TSHR: variants seen among roughly 807,000 people sequenced by gnomAD.
TSHR encodes the protein thyrotropin receptor.
A neutral mutation model predicts 64.1 loss-of-function variants in TSHR; 51 were observed. The ratio of observed to expected loss-of-function variants is 0.80; its 90% CI spans 0.64 to 1.01. The LOEUF is 1.01. Among genes scored for constraint, TSHR ranks in the 50% least tolerant of loss-of-function variants. The probability of loss-of-function intolerance (pLI) is 0.00; values close to 1 mark genes in which losing one functional copy is unlikely to be tolerated. For missense variants in TSHR, 877 were observed against 942.8 expected, an observed-to-expected ratio of 0.93 and a Z score of 0.91; for synonymous variants, 361 against 361.9, an observed-to-expected ratio of 1.00 and a Z score of 0.03.
chr14:80,983,684 C>T, intron 1 of TSHR: 2 of 604,954 alleles, frequency 3.3e-6, no homozygotes, highest in East Asian at 2.8e-5. Flanking sequence ...CAAACTCTAG[C>T]AGGCTGTACA....
intron 1 of TSHR, among the ~76,000 whole-genome samples, chr14:81,056,186 T>C (rs1361095871): frequency 6.6e-6 from 1 of 152,170 alleles, no homozygotes; most frequent in Non-Finnish European, 1.5e-5. Flanking sequence ...ATGTAAGACA[T>C]GACTTGCTCC....
intron 7 of TSHR, chr14:81,104,968 A>G (rs1889803289): frequency 4.1e-6 from 4 of 985,416 alleles, no homozygotes; most frequent in African/African-American, 1.7e-5. Context: ...CCTTTCCAGC[A>G]TAGATATTTA....
chr14:81,032,566 C>T, intron 1 of TSHR: 2 of 437,566 alleles, frequency 4.6e-6, no homozygotes, highest in Non-Finnish European at 9.1e-6. Context: ...GTTCTCCTTG[C>T]TTGTGGCTCC....
At chr14:81,076,944 T>A (rs1022201001) in intron 3 of TSHR, among the ~76,000 whole-genome samples, 1 of 152,226 alleles carries the variant, frequency 6.6e-6, no homozygotes, top group Non-Finnish European at 1.5e-5. Context: ...TGCACACCTG[T>A]GTTCTTTGGT....
intron 1 of TSHR, among the ~76,000 whole-genome samples, chr14:81,009,461 C>T (rs1889794458): frequency 6.6e-6 from 1 of 152,126 alleles, no homozygotes; most frequent in Non-Finnish European, 1.5e-5. Context: ...AAAAATAAAA[C>T]ATCATACTGG....
intron 1 of TSHR, among the ~76,000 whole-genome samples, chr14:81,037,419 C>CAAAAAAAAAAAAAAAAAAAAAAAA (rs748986847): frequency 2.0e-5 from 2 of 99,148 alleles, no homozygotes; most frequent in African/African-American, 3.8e-5. Context: ...AAAGGAAATA[C>CAAAAAAAAAAAAAAAAAAAAAAAA]AAAACAAACA....
intron 3 of TSHR, among the ~76,000 whole-genome samples, chr14:81,074,541 A>G (rs1277854362): frequency 5.9e-5 from 9 of 152,324 alleles, no homozygotes; most frequent in Admixed American, 1.3e-4. Flanking sequence ...TATATACCAT[A>G]TAAGTACCAT....
intron 8 of TSHR, among the ~76,000 whole-genome samples, chr14:81,125,992 C>G (rs1891006584): frequency 6.6e-6 from 1 of 151,914 alleles, no homozygotes; most frequent in African/African-American, 2.4e-5. Flanking sequence ...TTGACAAGAA[C>G]AGGGAATGGT....
chr14:81,012,784 G>T (rs1275033290), intron 1 of TSHR: 1 of 151,016 alleles, frequency 6.6e-6, no homozygotes, highest in South Asian at 2.1e-4. Context: ...TTTTTGATGG[G>T]GTTGTTTGTT....
chr14:80,959,014 T>G (rs1886869514), intron 1 of TSHR, among the ~76,000 whole-genome samples: 1 of 152,242 alleles, frequency 6.6e-6, no homozygotes, highest in South Asian at 2.1e-4. Context: ...CTAAACTTTA[T>G]CTTCTACTCA....
At chr14:80,975,009 A>G (rs179259) in intron 1 of TSHR, among the ~76,000 whole-genome samples, 119,269 of 152,116 alleles carry the variant, frequency 0.78, 49,401 homozygotes, top group East Asian at 0.99. Flanking sequence ...AATCTTAGCA[A>G]GGCACATAAT....
chr14:80,983,206 A>C (rs1888260278), intron 1 of TSHR: 3 of 1,224,388 alleles, frequency 2.5e-6, no homozygotes, highest in South Asian at 1.8e-5. Flanking sequence ...ATTGAATTAC[A>C]TGTTAAGCAT....
At chr14:81,100,807 C>G (rs973204811) in intron 7 of TSHR, among the ~76,000 whole-genome samples, 2 of 152,208 alleles carry the variant, frequency 1.3e-5, no homozygotes, top group African/African-American at 4.8e-5. Flanking sequence ...ACACCCTCCC[C>G]TCAGCTCCAC....
At position 81,130,984 on chromosome 14, in the gene TSHR, C is replaced by A. The variant is rs1205380528; in HGVS notation, c.693-8695C>A. The stretch of plus-strand genomic sequence containing the variant: ...CCGCAGTCCGGCCTGGGCGACAGAG[C>A]GAGACTCCGTCTCCAAAAAAAAAAA... On this transcript the variant is annotated intron_variant, in intron 8 of 9. Transcript: ENST00000298171. 2.7e-5 allele frequency among the ~76,000 whole-genome samples: 2 copies of A among 74,854 alleles called. 1 individual carries two copies. Among genetic ancestry groups the A allele is most frequent in the Non-Finnish European group, 4.1e-5 (2 of 48,512 alleles). The allele number at this position is 74,854 out of a possible 152,430, so 49.1% of individuals were successfully genotyped here.
intron 8 of TSHR, among the ~76,000 whole-genome samples, chr14:81,129,100 G>A (rs537090162): frequency 7.9e-5 from 12 of 151,910 alleles, no homozygotes; most frequent in African/African-American, 2.2e-4. Context: ...CTTGACCTCC[G>A]AGCTCCACTC....
At position 81,092,562 on chromosome 14, in the gene TSHR, A is replaced by G. The variant is rs1395844480; in HGVS notation, c.499A>G (p.Ile167Val). The change falls in exon 6 of 10, where the codon ATC becomes GTC. Residue 167 changes from isoleucine to valine, a missense_variant. Physicochemically the swap from Ile to Val is conservative, Grantham distance 29. Transcript: ENST00000298171. The part of the protein sequence containing the change: ...EITDNPYMTS[I>V]PVNAFQGLCN... ...TACAGACAACCCTTACATGACGTCA[A>G]TCCCTGTGAATGCTTTTCAGGGACT... 5.0e-6 allele frequency: 8 copies of G among 1,614,116 alleles called. No individual in the cohort carries two copies. Among genetic ancestry groups the G allele is most frequent in the Non-Finnish European group, 6.8e-6 (8 of 1,180,004 alleles).
At chr14:81,142,287 G>A (rs1891723295) in intron 9 of TSHR, among the ~76,000 whole-genome samples, 1 of 152,116 alleles carries the variant, frequency 6.6e-6, no homozygotes, top group Non-Finnish European at 1.5e-5. Context: ...CACCATGTTG[G>A]CCAGGCTGGT....
chr14:81,026,438 C>T (rs2139812110), intron 1 of TSHR, among the ~76,000 whole-genome samples: 1 of 152,196 alleles, frequency 6.6e-6, no homozygotes, highest in African/African-American at 2.4e-5. Context: ...AAGGAATTAA[C>T]ATAGGATTTA....
At position 81,062,224 on chromosome 14, in the gene TSHR, G is replaced by C; in HGVS notation, c.242+5G>C. On this transcript the variant is annotated splice_donor_5th_base_variant and intron_variant, in intron 2 of 9. Coordinates refer to ENST00000298171, the MANE Select transcript of TSHR (RefSeq NM_000369.5). ...TCTGCCCAATATTTCCAGAATGTAA[G>C]TTTTTTTAATATAAAGAAAAGTTTG... The C allele has an allele frequency of 6.2e-7, 1 of 1,606,592 alleles. No homozygotes were observed. The highest frequency in any genetic ancestry group is 8.5e-7 in the Non-Finnish European group (1 of 1,174,934).
Sources: gnomAD v4.1 joint callset for allele counts (sites outside exome capture counted in the v4.1 genomes callset) on GRCh38, gnomAD v4.1.1 for gene constraint, MANE v1.5 for transcripts, NCBI Gene and HGNC (gene_info 2026-07-23, HGNC 2026-07-21) for gene names.